Variants in IGF1R observed in about 807,000 individuals in gnomAD.
The protein encoded by IGF1R is insulin-like growth factor 1 receptor.
In IGF1R, 44 loss-of-function variants were observed where a neutral mutation model predicts 144.6. The ratio of observed to expected loss-of-function variants is 0.30; its 90% CI spans 0.24 to 0.39. IGF1R has a LOEUF of 0.39. Ranked by LOEUF, IGF1R falls within the 10% of genes least tolerant of loss-of-function variation. The probability of loss-of-function intolerance (pLI) is 1.00; values close to 1 mark genes in which losing one functional copy is unlikely to be tolerated. For missense variants in IGF1R, 1,355 were observed against 1,833.7 expected (o/e 0.74, Z 4.77); for synonymous variants, 795 against 722.8 (o/e 1.10, Z -1.60).
At chr15:98,946,686 C>T (rs552102386) in intron 19 of IGF1R, among the ~76,000 whole-genome samples, 3 of 152,254 alleles carry the variant, frequency 2.0e-5, no homozygotes, top group African/African-American at 7.2e-5. Flanking sequence ...GGGCACAAAT[C>T]GGAGTTCAGT....
intron 6 of IGF1R, among the ~76,000 whole-genome samples, chr15:98,909,162 G>A (rs1015790681): frequency 2.0e-5 from 3 of 152,002 alleles, no homozygotes; most frequent in South Asian, 2.1e-4. Flanking sequence ...AAACTTTAAA[G>A]TGCTGCTTAC....
At chr15:98,845,456 T>C (rs1459723290) in intron 2 of IGF1R, among the ~76,000 whole-genome samples, 286 of 81,782 alleles carry the variant, frequency 3.5e-3, no homozygotes, top group Non-Finnish European at 5.5e-3. Flanking sequence ...CTCCCCTCCT[T>C]CCTTCTCCTG....
chr15:98,852,849 C>T (rs559347148), intron 2 of IGF1R, among the ~76,000 whole-genome samples: 5 of 152,368 alleles, frequency 3.3e-5, no homozygotes, highest in Admixed American at 6.5e-5. Flanking sequence ...TCCCTTCCCC[C>T]GGCATCCCTG....
chr15:98,765,046 A>G (rs2055400834), intron 2 of IGF1R, among the ~76,000 whole-genome samples: 1 of 152,224 alleles, frequency 6.6e-6, no homozygotes, highest in Admixed American at 6.5e-5. Context: ...CATAGTGCAT[A>G]TAAATGCAGT....
rs779696157 is a variant in IGF1R at position 98,924,680 on chromosome 15, C to T, written c.2778C>T (p.Ala926=). The T allele has an allele frequency of 1.2e-6, 2 of 1,613,306 alleles. No individual in the cohort carries two copies. Among genetic ancestry groups the T allele is most frequent in the Admixed American group, 3.3e-5 (2 of 59,948 alleles). The change falls in exon 13 of 21, where the codon GCC becomes GCT. Residue 926 remains alanine, a synonymous_variant. Transcript: ENST00000650285. ...ATCCTGTGTTCTTCTATGTCCAGGC[C>T]AAAAGTAAGGCTTGTGGAGGGAGAA... ...WTDPVFFYVQ[A]KTGYENFIHL... is the part of the protein sequence containing the mutation.
intron 1 of IGF1R, among the ~76,000 whole-genome samples, chr15:98,657,910 G>T (rs368551805): frequency 6.6e-6 from 1 of 152,250 alleles, no homozygotes; most frequent in African/African-American, 2.4e-5. Flanking sequence ...CCTATTCCGG[G>T]ATCCAGCCTG....
intron 1 of IGF1R, among the ~76,000 whole-genome samples, chr15:98,672,987 T>C (rs183984567): frequency 2.0e-5 from 3 of 152,298 alleles, no homozygotes; most frequent in African/African-American, 7.2e-5. Context: ...CATGGGAGCA[T>C]CTTTTTATTT....
At chr15:98,830,454 C>T (rs1216531778) in intron 2 of IGF1R, among the ~76,000 whole-genome samples, 3 of 152,054 alleles carry the variant, frequency 2.0e-5, no homozygotes, top group African/African-American at 4.8e-5. Flanking sequence ...TAGCCTAAGC[C>T]GAAAATCTTG....
chr15:98,716,004 C>T (rs1294120048), intron 2 of IGF1R, among the ~76,000 whole-genome samples: 5 of 152,226 alleles, frequency 3.3e-5, no homozygotes, highest in Non-Finnish European at 1.5e-5. Flanking sequence ...AGAAGTTCAT[C>T]TCCAAACCAG....
intron 10 of IGF1R, 95 bp downstream of exon 10, chr15:98,916,971 C>G (rs780585990): frequency 3.8e-6 from 4 of 1,047,124 alleles, no homozygotes; most frequent in East Asian, 4.8e-5. Context: ...AAGTCAGCAG[C>G]TGGGGGGTAC....
At position 98,916,085 on chromosome 15, in the gene IGF1R, G is replaced by A. The variant is rs56294552; in HGVS notation, c.1950G>A (p.Arg650=). 6.2e-7 allele frequency: 1 copy of A among 1,614,148 alleles called. No homozygotes were observed. Among genetic ancestry groups the A allele is most frequent in the Middle Eastern group, 1.6e-4 (1 of 6,062 alleles). The stretch of plus-strand genomic sequence containing the variant: ...GTTACTACATTGTGCGCTGGCAGCG[G>A]CAGCCTCAGGACGGCTACCTTTACC... The part of the protein sequence containing the change: ...NLSYYIVRWQ[R]QPQDGYLYRH... The change falls in exon 9 of 21, where the codon CGG becomes CGA. Residue 650 remains arginine, a synonymous_variant. Coordinates refer to ENST00000650285, the MANE Select transcript of IGF1R (RefSeq NM_000875.5).
chr15:98,884,366 G>T (rs114241067), intron 2 of IGF1R, among the ~76,000 whole-genome samples: 4 of 152,286 alleles, frequency 2.6e-5, no homozygotes, highest in African/African-American at 9.6e-5. Flanking sequence ...ACACGTCCCA[G>T]ACTGAGCTGA....
Position 98,941,654 on chromosome 15 carries a change from A to G in IGF1R, c.3458-1269A>G, listed in dbSNP as rs777137973. ...CTCAAGGGCTCAAGATGTTTTCCCA[A>G]TGCCCAGCGTCTCATGGATGACAAA... On this transcript the variant is annotated intron_variant, in intron 18 of 20. Coordinates refer to ENST00000650285, the MANE Select transcript of IGF1R (RefSeq NM_000875.5). Among the ~76,000 whole-genome samples, 88 of 152,328 alleles carry G rather than the reference A, an allele frequency of 5.8e-4. 1 individual carries two copies. The highest frequency in any genetic ancestry group is 2.1e-3 in the African/African-American group (86 of 41,580).
At chr15:98,905,398 T>C (rs1390509149) in intron 5 of IGF1R, among the ~76,000 whole-genome samples, 1 of 152,086 alleles carries the variant, frequency 6.6e-6, no homozygotes, top group Non-Finnish European at 1.5e-5. Flanking sequence ...GGCTCACACC[T>C]GTAATCCCAG....
rs954863320 is a variant in IGF1R, at chr15:98,707,788, C to T, written c.321C>T (p.Arg107=). Residue 107 remains arginine, a synonymous_variant, in exon 2 of 21, where the codon CGC becomes CGT. Coordinates refer to ENST00000650285, the MANE Select transcript of IGF1R (RefSeq NM_000875.5). This position sits in a 1 kb window ranked among gnomAD's most constrained non-coding sequence, Gnocchi z 6.7. Reference sequence around the variant, plus strand: ...TCTTCCCCAACCTCACGGTCATCCGCGGCTGGAAACTCTTCTACAACTACG... The same window carrying T: ...TCTTCCCCAACCTCACGGTCATCCGTGGCTGGAAACTCTTCTACAACTACG... The part of the protein sequence containing the change: ...GDLFPNLTVI[R]GWKLFYNYAL... 14 of 1,614,152 alleles carry T rather than the reference C, an allele frequency of 8.7e-6. No individual in the cohort carries two copies. Among genetic ancestry groups the T allele is most frequent in the Non-Finnish European group, 1.1e-5 (13 of 1,180,014 alleles).
At chr15:98,718,113 T>A (rs1051147076) in intron 2 of IGF1R, among the ~76,000 whole-genome samples, 7 of 152,292 alleles carry the variant, frequency 4.6e-5, no homozygotes, top group African/African-American at 1.7e-4. Context: ...TTCCTTCCGT[T>A]CAAGGGGATC....
intron 2 of IGF1R, among the ~76,000 whole-genome samples, chr15:98,852,346 C>A (rs943471296): frequency 1.4e-4 from 21 of 152,160 alleles, no homozygotes; most frequent in Admixed American, 8.5e-4. Flanking sequence ...GCGGGCACCC[C>A]GCGCCCGCGC....
At chr15:98,686,510 T>C (rs1178579538) in intron 1 of IGF1R, among the ~76,000 whole-genome samples, 2 of 152,220 alleles carry the variant, frequency 1.3e-5, no homozygotes, top group Non-Finnish European at 2.9e-5. Flanking sequence ...CCATGTAGAC[T>C]GCATAAGAAT....
At chr15:98,869,676 C>T (rs950468573) in intron 2 of IGF1R, among the ~76,000 whole-genome samples, 1 of 152,086 alleles carries the variant, frequency 6.6e-6, no homozygotes, top group Admixed American at 6.5e-5. Context: ...CTCAGGTGAT[C>T]CACGCGCCTC....
Sources: allele counts gnomAD v4.1 joint callset (sites outside exome capture counted in the v4.1 genomes callset), GRCh38; gene constraint gnomAD v4.1.1; non-coding constraint Gnocchi (gnomAD v3.1); transcripts MANE v1.5; gene names NCBI Gene and HGNC (gene_info 2026-07-23, HGNC 2026-07-21).